Variants in EGF observed in about 807,000 individuals in gnomAD.
The protein encoded by EGF is pro-epidermal growth factor.
A neutral mutation model predicts 143.8 loss-of-function variants in EGF; 95 were observed. That is an observed-to-expected ratio of 0.66 (90% CI 0.56 to 0.78). EGF has a LOEUF of 0.78. EGF is among the 30% of genes least tolerant of loss of function. The probability of loss-of-function intolerance (pLI) is 0.00; values close to 1 mark genes in which losing one functional copy is unlikely to be tolerated. For missense variants in EGF, 1,320 were observed against 1,470.9 expected (o/e 0.90, Z 1.68); for synonymous variants, 510 against 510.5 (o/e 1.00, Z 0.01).
rs536639678 is a variant in EGF at position 109,938,667 on chromosome 4, T to C, written c.128-2279T>C. Among the ~76,000 whole-genome samples the C allele has an allele frequency of 2.0e-5, 3 of 152,348 alleles. No individual in the cohort carries two copies. In the East Asian group the frequency reaches 5.8e-4, roughly 29 times the overall value. ...TCTTAGCGGTTTTATCTACCTTTGG[T>C]CTTTGATGCTGGTGACCTACGGATG... On this transcript the variant is annotated intron_variant, in intron 1 of 23. Transcript: ENST00000265171.
intron 1 of EGF, among the ~76,000 whole-genome samples, chr4:109,931,207 A>T (rs1279276985): frequency 6.6e-6 from 1 of 152,250 alleles, no homozygotes; most frequent in African/African-American, 2.4e-5. Context: ...CAAATGATAT[A>T]CATGTAGTCC....
Position 109,994,615 on chromosome 4 carries a change from T to C in EGF, c.2858-118T>C, listed in dbSNP as rs899666616. 3.3e-6 allele frequency: 4 copies of C among 1,202,032 alleles called. No individual in the cohort carries two copies. In the African/African-American group the frequency reaches 4.5e-5, roughly 14 times the overall value. The allele number at this position is 1,202,032 out of a possible 1,614,324, so 74.5% of individuals were successfully genotyped here. A position where few individuals can be genotyped will look rare whatever the true frequency, so the allele number is the denominator to read the frequency against. ...TGAAACTATTGTCCCTTCTAGTAGT[T>C]CTTCTGTCACTAAAAGATTTATGTC... On this transcript the variant is annotated intron_variant, in intron 19 of 23. Transcript: ENST00000265171.
chr4:109,919,323 C>T lies in EGF; in HGVS notation c.127+5861C>T, dbSNP rs113827151. Reference sequence around the variant, plus strand: ...TCTCTCTCTCTCTCTCTCTCTCTCTCTCTCTCTCTCTCTCTCTCATCTCTC... The same window carrying T: ...TCTCTCTCTCTCTCTCTCTCTCTCTTTCTCTCTCTCTCTCTCTCATCTCTC... On this transcript the variant is annotated intron_variant, in intron 1 of 23. Coordinates refer to ENST00000265171, the MANE Select transcript of EGF (RefSeq NM_001963.6). Among the ~76,000 whole-genome samples, 208 of 110,420 alleles carry T rather than the reference C, an allele frequency of 1.9e-3. 3 individuals carry two copies. Among genetic ancestry groups the T allele is most frequent in the African/African-American group, 5.9e-3 (122 of 20,542 alleles). 72.4% of individuals were successfully genotyped at this position (110,420 alleles called of 152,430 possible).
In EGF at chr4:109,963,240, A is replaced by G. The variant is rs11568953; in HGVS notation, c.1380A>G (p.Glu460=). ...TTCCTCTTAGCCCAGTATCCTGGGA[A>G]TGTGATTGCTTTCCTGGGTATGACC... ...LCVPLSPVSW[E]CDCFPGYDLQ... is the part of the protein sequence containing the mutation. The change falls in exon 9 of 24, where the codon GAA becomes GAG. Residue 460 remains glutamate (E), a synonymous_variant. Transcript: ENST00000265171. The G allele has an allele frequency of 0.014, 23,266 of 1,614,016 alleles. 215 individuals carry two copies. Among genetic ancestry groups the G allele is most frequent in the Non-Finnish European group, 0.017 (20,222 of 1,179,938 alleles).
Position 109,961,923 on chromosome 4 carries a change from A to G in EGF, c.1250A>G (p.Glu417Gly). ...ECSHDCVLTSEGPLCFCPEGS... is the reference protein window; with the variant it reads ...ECSHDCVLTSGGPLCFCPEGS... Reference sequence around the variant, plus strand: ...AGCCATGACTGTGTTCTGACATCAGAAGGTCCCTTATGTTTCTGTCCTGAA... The same window carrying G: ...AGCCATGACTGTGTTCTGACATCAGGAGGTCCCTTATGTTTCTGTCCTGAA... The change falls in exon 8 of 24, where the codon GAA (glutamate) becomes GGA (glycine). Residue 417 changes from glutamate (E) to glycine (G), a missense_variant. Coordinates refer to ENST00000265171, the MANE Select transcript of EGF (RefSeq NM_001963.6). 2 of 1,613,978 alleles carry G rather than the reference A, an allele frequency of 1.2e-6. No individual in the cohort carries two copies. Among genetic ancestry groups the G allele is most frequent in the Non-Finnish European group, 1.7e-6 (2 of 1,179,884 alleles).
At chr4:110,005,544 T>A (rs943125265) in intron 22 of EGF, among the ~76,000 whole-genome samples, 1 of 152,214 alleles carries the variant, frequency 6.6e-6, no homozygotes, top group Non-Finnish European at 1.5e-5. Context: ...CTGGGTTCTT[T>A]ATTTTATCTG....
At chr4:109,994,031 G>GTT (rs369137893) in intron 19 of EGF, among the ~76,000 whole-genome samples, 8,260 of 140,774 alleles carry the variant, frequency 0.059, 829 homozygotes, top group East Asian at 0.43. Flanking sequence ...CTTGGTCTCT[G>GTT]TTTTTTTTTT....
chr4:109,927,883 G>A (rs1277520450), intron 1 of EGF, among the ~76,000 whole-genome samples: 1 of 150,340 alleles, frequency 6.7e-6, no homozygotes, highest in Non-Finnish European at 1.5e-5. Context: ...ATGCTTTAAT[G>A]TTGGTAAATT....
At chr4:109,915,100 G>T (rs1256314824) in intron 1 of EGF, among the ~76,000 whole-genome samples, 1 of 152,160 alleles carries the variant, frequency 6.6e-6, no homozygotes, top group Non-Finnish European at 1.5e-5. Flanking sequence ...GCCACCTCTG[G>T]TGGCTCAGAA....
chr4:109,943,179 T>C, intron 2 of EGF, 75 bp from the exon 3 acceptor site: 1 of 1,043,842 alleles, frequency 9.6e-7, no homozygotes, highest in African/African-American at 1.6e-5. Flanking sequence ...ATAGACTTTT[T>C]ATATATAACA....
At chr4:109,932,196 CAG>C (rs1233799608) in intron 1 of EGF, among the ~76,000 whole-genome samples, 1 of 151,378 alleles carries the variant, frequency 6.6e-6, no homozygotes, top group Non-Finnish European at 1.5e-5. Context: ...CGCAAATAAA[CAG>C]AACACAATTA....
intron 4 of EGF, 53 bp from the exon 5 acceptor site, chr4:109,945,020 A>G (rs1299807752): frequency 1.3e-6 from 2 of 1,572,050 alleles, no homozygotes; most frequent in Non-Finnish European, 1.7e-6. Flanking sequence ...AATTCTAATA[A>G]GACAAGGAAC....
At chr4:109,959,097 C>T (rs966537059) in intron 5 of EGF, 7 of 599,522 alleles carry the variant, frequency 1.2e-5, no homozygotes, top group African/African-American at 3.7e-5. Context: ...AATCAGGATG[C>T]CCAATCCTGA....
chr4:110,009,562 T>C (rs1458084381), intron 23 of EGF, among the ~76,000 whole-genome samples: 1 of 152,172 alleles, frequency 6.6e-6, no homozygotes, highest in Non-Finnish European at 1.5e-5. Context: ...AGAATGTCTC[T>C]TTTGCTGTTG....
chr4:109,999,857 C>T lies in EGF; in HGVS notation c.3173+11C>T. On this transcript the variant is annotated intron_variant, in intron 21 of 23. Transcript: ENST00000265171. ...GGCCCACTACTACAGGTGACCCTGT[C>T]TTTCCTTTGGTACTGGAAACCTCTT... 2 of 1,612,888 alleles carry T rather than the reference C, an allele frequency of 1.2e-6. No individual in the cohort carries two copies. Among genetic ancestry groups the T allele is most frequent in the Non-Finnish European group, 1.7e-6 (2 of 1,180,006 alleles).
rs1749194521 is a variant in EGF at position 109,980,597 on chromosome 4, G to A, written c.2222-229G>A. 32 of 555,980 alleles carry A rather than the reference G, an allele frequency of 5.8e-5. 1 individual carries two copies. The South Asian group carries it at 6.1e-4, about 11-fold the overall frequency. 34.4% of individuals were successfully genotyped at this position (555,980 alleles called of 1,614,324 possible). On this transcript the variant is annotated intron_variant, in intron 14 of 23. Transcript: ENST00000265171. Reference sequence around the variant, plus strand: ...GACTAAAGAGCTTCTTGAAAAAAGTGCTGGCTATACCCAGTACTAATAAGG... The same window carrying A: ...GACTAAAGAGCTTCTTGAAAAAAGTACTGGCTATACCCAGTACTAATAAGG...
At chr4:109,951,613 TATA>T (rs1195199522) in intron 5 of EGF, among the ~76,000 whole-genome samples, 2 of 152,218 alleles carry the variant, frequency 1.3e-5, no homozygotes, top group Non-Finnish European at 2.9e-5. Context: ...GGGCTTTCCT[TATA>T]ATATCTCACT....
chr4:109,984,802 T>A (rs2126127437), intron 16 of EGF, among the ~76,000 whole-genome samples: 1 of 152,356 alleles, frequency 6.6e-6, no homozygotes, highest in South Asian at 2.1e-4. Context: ...TTGAAAATTA[T>A]GACCAAATAA....
intron 17 of EGF, 139 bp downstream of exon 17, chr4:109,987,999 A>C: frequency 1.4e-6 from 1 of 716,926 alleles, no homozygotes; most frequent in Non-Finnish European, 2.5e-6. Flanking sequence ...AGCTAAAAAA[A>C]AAAATTGAAT....
Sources: gnomAD v4.1 joint callset for allele counts (sites outside exome capture counted in the v4.1 genomes callset) on GRCh38, gnomAD v4.1.1 for gene constraint, MANE v1.5 for transcripts, NCBI Gene and HGNC (gene_info 2026-07-23, HGNC 2026-07-21) for gene names.